SUSD6: variants seen among roughly 807,000 people sequenced by gnomAD.
The protein encoded by SUSD6 is sushi domain containing 6.
Under a neutral mutation model 28.4 loss-of-function variants are expected in SUSD6, and 16 were observed. That is an observed-to-expected ratio of 0.56 (90% CI 0.38 to 0.86). The LOEUF (loss-of-function observed/expected upper bound fraction) is 0.86. SUSD6 is among the 40% of genes least tolerant of loss of function. The pLI is 0.00. For missense variants in SUSD6, 341 were observed against 384.2 expected, an observed-to-expected ratio of 0.89 and a Z score of 0.94; for synonymous variants, 147 against 159.6, an observed-to-expected ratio of 0.92 and a Z score of 0.59.
chr14:69,612,748 G>T (rs3825736), intron 1 of SUSD6, among the ~76,000 whole-genome samples: 1 of 152,170 alleles, frequency 6.6e-6, no homozygotes, highest in Admixed American at 6.5e-5. Context: ...TGTTGCTCTC[G>T]CTAACTGGGC....
At position 69,703,874 on chromosome 14, in the gene SUSD6, T is replaced by TG; in HGVS notation, c.319+283dup. On this transcript the variant is annotated intron_variant, in intron 3 of 5. Transcript: ENST00000342745. Reference sequence around the variant, plus strand: ...TGCATGGCCAAGTGTTGGTGACCCTTGACCATGTTCTGCCCTCACAGTGAG... The same window carrying TG: ...TGCATGGCCAAGTGTTGGTGACCCTTGGACCATGTTCTGCCCTCACAGTGAG... 3 of 508,640 alleles carry TG rather than the reference T, an allele frequency of 5.9e-6. No individual in the cohort carries two copies. The South Asian group carries it at 6.3e-5, about 11-fold the overall frequency. The allele number at this position is 508,640 out of a possible 1,614,324, so 31.5% of individuals were successfully genotyped here. A position where few individuals can be genotyped will look rare whatever the true frequency, so the allele number is the denominator to read the frequency against.
At chr14:69,671,820 T>C (rs1885837102) in intron 2 of SUSD6, among the ~76,000 whole-genome samples, 1 of 152,212 alleles carries the variant, frequency 6.6e-6, no homozygotes, top group Non-Finnish European at 1.5e-5. Flanking sequence ...GAACCCTTTC[T>C]TGGTGCTATT....
At chr14:69,701,375 T>G (rs1252326117) in intron 2 of SUSD6, among the ~76,000 whole-genome samples, 1 of 152,062 alleles carries the variant, frequency 6.6e-6, no homozygotes, top group Non-Finnish European at 1.5e-5. Flanking sequence ...ATTGGACTTG[T>G]GTGTGGGTCC....
intron 2 of SUSD6, among the ~76,000 whole-genome samples, chr14:69,691,579 CCT>C (rs1379779709): frequency 2.0e-5 from 3 of 152,162 alleles, no homozygotes; most frequent in Admixed American, 6.5e-5. Flanking sequence ...TACCTGACCC[CCT>C]GTTTGGGAGT....
chr14:69,634,397 G>A (rs577480407), intron 1 of SUSD6, among the ~76,000 whole-genome samples: 97 of 152,348 alleles, frequency 6.4e-4, no homozygotes, highest in African/African-American at 2.2e-3. Flanking sequence ...TGTCACTGAT[G>A]TGGTTTATAG....
intron 2 of SUSD6, among the ~76,000 whole-genome samples, chr14:69,663,977 C>CTTTT (rs560318014): frequency 7.1e-6 from 1 of 140,236 alleles, no homozygotes. Context: ...ATGGTTGTTT[C>CTTTT]TTTTTTTTTT....
intron 1 of SUSD6, among the ~76,000 whole-genome samples, chr14:69,647,528 T>C (rs1885445153): frequency 6.6e-6 from 1 of 152,172 alleles, no homozygotes; most frequent in Admixed American, 6.5e-5. Flanking sequence ...GGAAGTAATA[T>C]GCCCCATTTC....
intron 2 of SUSD6, among the ~76,000 whole-genome samples, chr14:69,671,972 T>G (rs1885839549): frequency 6.6e-6 from 1 of 152,112 alleles, no homozygotes; most frequent in South Asian, 2.1e-4. Flanking sequence ...TAGGATTAAG[T>G]GAGATAATAT....
chr14:69,682,932 T>C (rs1037504768), intron 2 of SUSD6, among the ~76,000 whole-genome samples: 1 of 150,064 alleles, frequency 6.7e-6, no homozygotes, highest in African/African-American at 2.5e-5. Context: ...GAAGCTGTTC[T>C]GTTTTCCAAG....
chr14:69,632,674 G>C (rs1486902314), intron 1 of SUSD6, among the ~76,000 whole-genome samples: 2 of 151,040 alleles, frequency 1.3e-5, no homozygotes, highest in African/African-American at 4.9e-5. Context: ...ACAAAACACT[G>C]GGCAGATGGG....
chr14:69,637,729 G>A (rs564253566), intron 1 of SUSD6, among the ~76,000 whole-genome samples: 1 of 152,288 alleles, frequency 6.6e-6, no homozygotes, highest in African/African-American at 2.4e-5. Flanking sequence ...TGGAGGAGGG[G>A]CAGGCAAGCA....
intron 1 of SUSD6, among the ~76,000 whole-genome samples, chr14:69,641,416 G>C (rs1885351114): frequency 6.6e-6 from 1 of 151,984 alleles, no homozygotes; most frequent in Non-Finnish European, 1.5e-5. Flanking sequence ...CTACAGTTCA[G>C]TGATGTTCTG....
intron 2 of SUSD6, among the ~76,000 whole-genome samples, chr14:69,661,661 A>G (rs1885663374): frequency 6.6e-6 from 1 of 152,156 alleles, no homozygotes; most frequent in Non-Finnish European, 1.5e-5. Context: ...TGAAACCCAA[A>G]GCACACCTGT....
At position 69,658,659 on chromosome 14, in the gene SUSD6, G is replaced by A. The variant is rs201323176; in HGVS notation, c.67G>A (p.Val23Met). The A allele has an allele frequency of 4.8e-5, 78 of 1,614,140 alleles. No homozygotes were observed. In the African/African-American group the frequency reaches 7.6e-4, roughly 16 times the overall value. ...TGCCGTGGCCTCCGTGGGACATGGA[G>A]TGTTCCTTCCGCTAGTGATCCTTTG... ...VFAVASVGHG[V>M]FLPLVILCTL... Residue 23 changes from valine (V) to methionine (M), a missense_variant, in exon 2 of 6, where the codon GTG becomes ATG. Coordinates refer to ENST00000342745, the MANE Select transcript of SUSD6 (RefSeq NM_014734.4).
intron 2 of SUSD6, among the ~76,000 whole-genome samples, chr14:69,700,082 T>C (rs948368680): frequency 5.9e-5 from 9 of 152,228 alleles, no homozygotes; most frequent in African/African-American, 2.2e-4. Flanking sequence ...GCCTCCACTC[T>C]GAACACACCT....
At position 69,708,927 on chromosome 14, in the gene SUSD6, G is replaced by A; in HGVS notation, c.709G>A (p.Gly237Arg). The A allele has an allele frequency of 6.2e-7, 1 of 1,614,172 alleles. No homozygotes were observed. Among genetic ancestry groups the A allele is most frequent in the South Asian group, 1.1e-5 (1 of 91,076 alleles). Residue 237 changes from glycine to arginine, a missense_variant, in exon 5 of 6, where the codon GGA (glycine) becomes AGA (arginine). Physicochemically the swap from Gly to Arg is moderately radical, Grantham distance 125 (BLOSUM62 -2). Transcript: ENST00000342745. ...GGEDEAPGQS[G>R]LCEAWGSRAS... ...AGAAGATGAGGCCCCAGGCCAGTCT[G>A]GACTATGTGAAGCCTGGGGCTCTCG...
chr14:69,708,630 G>A (rs764507744), intron 4 of SUSD6, 47 bp from the exon 5 acceptor site: 54 of 1,431,620 alleles, frequency 3.8e-5, no homozygotes, highest in Non-Finnish European at 4.8e-5. Context: ...CTGTTTCTCT[G>A]TGTGTTTATT....
intron 1 of SUSD6, among the ~76,000 whole-genome samples, chr14:69,638,470 G>A (rs2139601211): frequency 6.7e-6 from 1 of 148,398 alleles, no homozygotes; most frequent in Admixed American, 6.9e-5. Flanking sequence ...AATTGTGTGT[G>A]TGTGGGATTG....
intron 2 of SUSD6, among the ~76,000 whole-genome samples, chr14:69,671,715 ACTGT>A (rs1885835615): frequency 6.6e-6 from 1 of 152,020 alleles, no homozygotes; most frequent in African/African-American, 2.4e-5. Flanking sequence ...TGGGGTGAGG[ACTGT>A]CTGTGATTTG....
Sources: gnomAD v4.1 joint callset for allele counts (sites outside exome capture counted in the v4.1 genomes callset) on GRCh38, gnomAD v4.1.1 for gene constraint, MANE v1.5 for transcripts, NCBI Gene and HGNC (gene_info 2026-07-23, HGNC 2026-07-21) for gene names.